ZGRF1: variants seen among roughly 807,000 people sequenced by gnomAD.
The protein encoded by ZGRF1 is 5'-3' DNA helicase ZGRF1.
Under a neutral mutation model 203.5 loss-of-function variants are expected in ZGRF1, and 196 were observed. The observed-to-expected ratio is 0.96, with a 90% CI of 0.86 to 1.08. The LOEUF is 1.08. Ranked by LOEUF, ZGRF1 falls within the 50% of genes least tolerant of loss-of-function variation. The pLI, the probability that ZGRF1 is intolerant of heterozygous loss-of-function variation, is 0.00. For synonymous variants in ZGRF1, 809 were observed against 841.3 expected, an observed-to-expected ratio of 0.96 and a Z score of 0.66; for missense variants, 2,326 against 2,416.3, an observed-to-expected ratio of 0.96 and a Z score of 0.78.
intron 16 of ZGRF1, among the ~76,000 whole-genome samples, chr4:112,576,241 C>G (rs1317275036): frequency 6.6e-6 from 1 of 152,180 alleles, no homozygotes; most frequent in Non-Finnish European, 1.5e-5. Context: ...GGAAAATTAA[C>G]AAACAGAAAG....
intron 16 of ZGRF1, among the ~76,000 whole-genome samples, chr4:112,581,425 T>TAATAAA (rs896690516): frequency 1.4e-4 from 21 of 150,444 alleles, no homozygotes; most frequent in Non-Finnish European, 2.5e-4. Context: ...ACTTAAAGTA[T>TAATAAA]AATAAAAATA....
Position 112,630,690 on chromosome 4 carries a change from A to G in ZGRF1, c.102+1240T>C, listed in dbSNP as rs1301739038. The stretch of plus-strand genomic sequence containing the variant: ...TTGGATCACCTGAGGTCAGGAGTTC[A>G]AGACCAGCCTGAACAACATGGCGAA... On this transcript the variant is annotated intron_variant, in intron 3 of 27. Coordinates refer to ENST00000505019, the MANE Select transcript of ZGRF1 (RefSeq NM_018392.5). Among the ~76,000 whole-genome samples, 6 of 152,216 alleles carry G rather than the reference A, an allele frequency of 3.9e-5. No individual in the cohort carries two copies. In the East Asian group the frequency reaches 1.2e-3, roughly 29 times the overall value.
intron 16 of ZGRF1, among the ~76,000 whole-genome samples, chr4:112,570,887 G>T (rs1744083028): frequency 6.6e-6 from 1 of 152,076 alleles, no homozygotes; most frequent in Admixed American, 6.5e-5. Flanking sequence ...CAGATCACTT[G>T]AGGTGAGGAG....
Position 112,589,717 on chromosome 4 carries a change from C to A in ZGRF1, c.3127+7G>T. 1 of 1,613,014 alleles carries A rather than the reference C, an allele frequency of 6.2e-7. No homozygotes were observed. The highest frequency in any genetic ancestry group is 8.5e-7 in the Non-Finnish European group (1 of 1,179,146). ...GACAGATATTAGAGCAATGTGGTAACGACTACCCTCCAAGTTGAGAAAATG... is the reference window on the plus strand; with the variant it reads ...GACAGATATTAGAGCAATGTGGTAAAGACTACCCTCCAAGTTGAGAAAATG... On this transcript the variant is annotated splice_region_variant and intron_variant, in intron 11 of 27. Transcript: ENST00000505019.
At chr4:112,571,733 A>C (rs575661623) in intron 16 of ZGRF1, among the ~76,000 whole-genome samples, 8 of 152,306 alleles carry the variant, frequency 5.3e-5, no homozygotes, top group African/African-American at 1.9e-4. Context: ...CTTTATAGGT[A>C]CAATTCCAAT....
intron 22 of ZGRF1, 35 bp downstream of exon 22, chr4:112,553,800 A>C: frequency 6.4e-7 from 1 of 1,566,694 alleles, no homozygotes; most frequent in Non-Finnish European, 8.6e-7. Context: ...TGGTATATAT[A>C]AATCAAGAAA....
In ZGRF1 at chr4:112,541,113, A is replaced by G; in HGVS notation, c.5754T>C (p.Tyr1918=). The change falls in exon 25 of 28, where the codon TAT becomes TAC. Residue 1918 remains tyrosine, a synonymous_variant. Transcript: ENST00000505019. ...TTACCTGTTCTAGTCCTTTAACATT[A>G]TAAAAACACAGGGTTGGTAGCCATT... The part of the protein sequence containing the change: ...LLEWLPTLCF[Y]NVKGLEQIER... The G allele has an allele frequency of 6.3e-7, 1 of 1,597,776 alleles. No individual in the cohort carries two copies. The highest frequency in any genetic ancestry group is 8.5e-7 in the Non-Finnish European group (1 of 1,171,214).
chr4:112,563,670 G>C (rs967046041), intron 16 of ZGRF1, among the ~76,000 whole-genome samples: 1 of 152,214 alleles, frequency 6.6e-6, no homozygotes, highest in African/African-American at 2.4e-5. Context: ...TAGCCCATAA[G>C]ACTATTTTAT....
At chr4:112,606,757 A>T (rs1750832034) in intron 8 of ZGRF1, among the ~76,000 whole-genome samples, 1 of 152,344 alleles carries the variant, frequency 6.6e-6, no homozygotes, top group South Asian at 2.1e-4. Flanking sequence ...TTTTAAAATT[A>T]GTAAGAAATG....
intron 14 of ZGRF1, among the ~76,000 whole-genome samples, chr4:112,584,583 T>C (rs1424880240): frequency 2.0e-5 from 3 of 152,170 alleles, no homozygotes; most frequent in Admixed American, 6.5e-5. Context: ...ACTCAGATGA[T>C]ACATTTTCTA....
intron 14 of ZGRF1, among the ~76,000 whole-genome samples, chr4:112,585,129 GCA>G (rs1439371758): frequency 6.6e-6 from 1 of 152,102 alleles, no homozygotes; most frequent in African/African-American, 2.4e-5. Context: ...TTTCAGCTGG[GCA>G]CAGTGGCTTA....
intron 6 of ZGRF1, among the ~76,000 whole-genome samples, chr4:112,614,913 A>AT (rs2046816426): frequency 6.6e-6 from 1 of 152,114 alleles, no homozygotes; most frequent in South Asian, 2.1e-4. Context: ...GAAAGTGCAT[A>AT]TGTTAGGTAC....
chr4:112,590,617 T>A (rs1747989946), intron 10 of ZGRF1, among the ~76,000 whole-genome samples: 2 of 152,012 alleles, frequency 1.3e-5, no homozygotes, highest in Non-Finnish European at 2.9e-5. Flanking sequence ...TGTTAGTGAC[T>A]GTATATTTTC....
At chr4:112,540,798 A>C in intron 26 of ZGRF1, 23 bp downstream of exon 26, 1 of 1,543,034 alleles carries the variant, frequency 6.5e-7, no homozygotes, top group Non-Finnish European at 8.8e-7. Flanking sequence ...TATATGGCAA[A>C]TACTGTAATA....
Position 112,612,559 on chromosome 4 carries a change from G to T in ZGRF1, c.2632C>A (p.Pro878Thr). ...VRKPFITVVS[P>T]KSPHLHKDSQ... ...TCCTTGTGCAGATGAGGAGACTTTGGTGAAACTACTGTAATAAATGGTTTC... is the reference window on the plus strand; with the variant it reads ...TCCTTGTGCAGATGAGGAGACTTTGTTGAAACTACTGTAATAAATGGTTTC... Residue 878 changes from proline (P) to threonine (T), a missense_variant, in exon 7 of 28, where the codon CCA becomes ACA. Transcript: ENST00000505019. 6.2e-7 allele frequency: 1 copy of T among 1,607,570 alleles called. No homozygotes were observed. Among genetic ancestry groups the T allele is most frequent in the Non-Finnish European group, 8.5e-7 (1 of 1,175,438 alleles).
intron 16 of ZGRF1, chr4:112,565,501 T>G: frequency 1.6e-6 from 1 of 630,160 alleles, no homozygotes; most frequent in Non-Finnish European, 2.7e-6. Flanking sequence ...TTTTTTTCCA[T>G]GGGGTCAAAA....
At position 112,603,678 on chromosome 4, in the gene ZGRF1, T is replaced by C. The variant is rs143615573; in HGVS notation, c.2822A>G (p.His941Arg). 3.4e-5 allele frequency: 55 copies of C among 1,613,504 alleles called. No individual in the cohort carries two copies. The highest frequency in any genetic ancestry group is 4.7e-5 in the Non-Finnish European group (55 of 1,179,812). ...ACTAGTAGCTGATCCTTTTACTTGA[T>C]GTCCTTGAAACTCAACAGGCTACAG... The part of the protein sequence containing the change: ...CDPKPVEFQG[H>R]QVKGSATSGV... The change falls in exon 10 of 28, where the codon CAT (histidine) becomes CGT (arginine). Residue 941 changes from histidine (H) to arginine (R), a missense_variant. His to Arg is a conservative substitution (Grantham distance 29). Transcript: ENST00000505019.
chr4:112,551,035 T>G (rs1381249717), intron 22 of ZGRF1, among the ~76,000 whole-genome samples: 1 of 152,166 alleles, frequency 6.6e-6, no homozygotes, highest in East Asian at 1.9e-4. Context: ...TTCTGAGGAC[T>G]TCTACAACCA....
At chr4:112,576,391 G>A (rs897391866) in intron 16 of ZGRF1, among the ~76,000 whole-genome samples, 6 of 152,298 alleles carry the variant, frequency 3.9e-5, no homozygotes, top group South Asian at 2.1e-4. Flanking sequence ...CCAAAGGAAC[G>A]CAGCTCCTCA....
Sources: gnomAD v4.1 joint callset for allele counts (sites outside exome capture counted in the v4.1 genomes callset) on GRCh38, gnomAD v4.1.1 for gene constraint, MANE v1.5 for transcripts, NCBI Gene and HGNC (gene_info 2026-07-23, HGNC 2026-07-21) for gene names.